The following PRIMPOL variants were observed in gnomAD, a reference collection of about 807,000 sequenced individuals.
The protein encoded by PRIMPOL is primase and DNA directed polymerase, also known as DNA-directed primase/polymerase protein.
In PRIMPOL, 54 loss-of-function variants were observed where a neutral mutation model predicts 63.6. That is an observed-to-expected ratio of 0.85 (90% CI 0.68 to 1.07). PRIMPOL has a LOEUF of 1.07. PRIMPOL is among the 50% of genes least tolerant of loss of function. PRIMPOL has a pLI of 0.00. For synonymous variants in PRIMPOL, 197 were observed against 220.2 expected, an observed-to-expected ratio of 0.89 and a Z score of 0.93; for missense variants, 610 against 648.3, an observed-to-expected ratio of 0.94 and a Z score of 0.64.
At chr4:184,650,491 A>AT (rs60407693) in intron 1 of PRIMPOL, among the ~76,000 whole-genome samples, 119,999 of 152,066 alleles carry the variant, frequency 0.79, 48,796 homozygotes, top group East Asian at 0.99. Flanking sequence ...GATGCGGACT[A>AT]TTTTTTTATT....
rs1309599524 is a variant in PRIMPOL at position 184,657,262 on chromosome 4, T to A, written c.122T>A (p.Ile41Asn). 1.2e-6 allele frequency: 2 copies of A among 1,613,910 alleles called. No individual in the cohort carries two copies. Among genetic ancestry groups the A allele is most frequent in the South Asian group, 2.2e-5 (2 of 91,032 alleles). The change falls in exon 3 of 14, where the codon ATC becomes AAC. Residue 41 changes from isoleucine to asparagine, a missense_variant. Coordinates refer to ENST00000314970, the MANE Select transcript of PRIMPOL (RefSeq NM_152683.4). ...RLSKPEEPPS[I>N]WRLFHRQAQA... ...TCCAAGCCAGAAGAACCACCCTCCATCTGGAGACTATTTCATCGACAAGCT... is the reference window on the plus strand; with the variant it reads ...TCCAAGCCAGAAGAACCACCCTCCAACTGGAGACTATTTCATCGACAAGCT...
intron 8 of PRIMPOL, among the ~76,000 whole-genome samples, chr4:184,682,029 TA>T (rs1008418164): frequency 3.3e-5 from 5 of 152,204 alleles, no homozygotes; most frequent in Non-Finnish European, 7.3e-5. Context: ...CCTACTCTTT[TA>T]AAAAAATTAT....
At chr4:184,692,488 A>AAG in intron 13 of PRIMPOL, among the ~76,000 whole-genome samples, 1 of 149,026 alleles carries the variant, frequency 6.7e-6, no homozygotes, top group East Asian at 1.9e-4. Flanking sequence ...AAAAAAAAAA[A>AAG]AAAAAGAAAG....
intron 7 of PRIMPOL, among the ~76,000 whole-genome samples, chr4:184,674,085 C>T (rs928378114): frequency 6.6e-6 from 1 of 152,180 alleles, no homozygotes; most frequent in African/African-American, 2.4e-5. Flanking sequence ...CAGTACCCGT[C>T]TCTACTTCTA....
chr4:184,681,140 G>T (rs891163702), intron 8 of PRIMPOL, among the ~76,000 whole-genome samples: 3 of 152,146 alleles, frequency 2.0e-5, no homozygotes, highest in African/African-American at 7.2e-5. Context: ...ATACCAGGTA[G>T]TTTACTTCTT....
chr4:184,682,829 C>G (rs1755993662), intron 9 of PRIMPOL, among the ~76,000 whole-genome samples: 1 of 150,330 alleles, frequency 6.7e-6, no homozygotes, highest in Non-Finnish European at 1.5e-5. Flanking sequence ...GCGGGAGGAT[C>G]ACTTGAGCCC....
chr4:184,694,790 A>G lies in PRIMPOL; in HGVS notation c.*11A>G. On this transcript the variant is annotated 3_prime_UTR_variant, in exon 14 of 14. Coordinates refer to ENST00000314970, the MANE Select transcript of PRIMPOL (RefSeq NM_152683.4). ...GTATTACAAGAGTAACTAATTCACT[A>G]TGAACACTTTTGTCACCAGGCTATA... The G allele has an allele frequency of 3.8e-6, 6 of 1,595,920 alleles. No individual in the cohort carries two copies. In the South Asian group the frequency reaches 5.5e-5, roughly 15 times the overall value.
At chr4:184,674,535 G>A (rs1752762655) in intron 7 of PRIMPOL, among the ~76,000 whole-genome samples, 1 of 152,096 alleles carries the variant, frequency 6.6e-6, no homozygotes, top group Non-Finnish European at 1.5e-5. Flanking sequence ...ATATACAGTT[G>A]ACTCTTCAAC....
chr4:184,672,251 C>T lies in PRIMPOL; in HGVS notation c.635C>T (p.Thr212Ile), dbSNP rs1751990409. Residue 212 changes from threonine (T) to isoleucine (I), a missense_variant, in exon 7 of 14, where the codon ACA becomes ATA. Physicochemically the swap from Thr to Ile is moderately conservative, Grantham distance 89. Around this residue, in one of 3 missense-constraint regions of PRIMPOL, gnomAD observed 444 missense variants for 456.4 expected, o/e 0.97. Transcript: ENST00000314970. ...GATGATGATAGCGCTCCAGAGACAA[C>T]AGGCCATGGATTTCCCCATTTTTCA... ...SEDDDSAPET[T>I]GHGFPHFSEA... 8.7e-6 allele frequency: 14 copies of T among 1,614,054 alleles called. No individual in the cohort carries two copies. The highest frequency in any genetic ancestry group is 1.2e-5 in the Non-Finnish European group (14 of 1,179,994).
In PRIMPOL at chr4:184,694,831, G is replaced by C; in HGVS notation, c.*52G>C. On this transcript the variant is annotated 3_prime_UTR_variant, in exon 14 of 14. Transcript: ENST00000314970. ...CCAGGCTATAATTTGCCTGATGTCTGTGAGATTTGATAAATATATCATTCA... is the reference window on the plus strand; with the variant it reads ...CCAGGCTATAATTTGCCTGATGTCTCTGAGATTTGATAAATATATCATTCA... 6.9e-7 allele frequency: 1 copy of C among 1,443,274 alleles called. No individual in the cohort carries two copies. Among genetic ancestry groups the C allele is most frequent in the Non-Finnish European group, 9.6e-7 (1 of 1,041,060 alleles). The allele number at this position is 1,443,274 out of a possible 1,614,324, so 89.4% of individuals were successfully genotyped here.
chr4:184,693,447 T>TAA (rs1412250219), intron 13 of PRIMPOL, among the ~76,000 whole-genome samples: 2 of 152,338 alleles, frequency 1.3e-5, no homozygotes, highest in East Asian at 3.9e-4. Flanking sequence ...TACTTGGACA[T>TAA]AACTTTTTAA....
At chr4:184,681,049 G>A (rs557117032) in intron 8 of PRIMPOL, among the ~76,000 whole-genome samples, 6 of 152,264 alleles carry the variant, frequency 3.9e-5, no homozygotes, top group East Asian at 1.9e-4. Context: ...CGTTTCTTTC[G>A]CAGTTTAAAT....
chr4:184,692,461 G>A (rs1445163709), intron 13 of PRIMPOL, among the ~76,000 whole-genome samples: 4 of 101,202 alleles, frequency 4.0e-5, no homozygotes, highest in Admixed American at 1.5e-4. Context: ...GAGACAGAGC[G>A]ACTCTGCCTC....
At chr4:184,684,339 C>G (rs947877771) in intron 9 of PRIMPOL, among the ~76,000 whole-genome samples, 1 of 152,002 alleles carries the variant, frequency 6.6e-6, no homozygotes, top group African/African-American at 2.4e-5. Flanking sequence ...GCCTGTAATC[C>G]CAGCTACTCA....
chr4:184,654,198 CAT>C (rs1245813573), intron 2 of PRIMPOL, among the ~76,000 whole-genome samples: 2 of 152,170 alleles, frequency 1.3e-5, no homozygotes, highest in African/African-American at 4.8e-5. Context: ...CGAATATCCA[CAT>C]AGTCATTTGT....
At chr4:184,684,522 A>G (rs72703526) in intron 9 of PRIMPOL, among the ~76,000 whole-genome samples, 4 of 151,944 alleles carry the variant, frequency 2.6e-5, no homozygotes, top group Admixed American at 6.6e-5. Flanking sequence ...AGCTTTTTAG[A>G]TAGAAAATAT....
rs1743640818 is a variant in PRIMPOL, at chr4:184,649,850, C to CA, written c.-195dup. 6.6e-6 allele frequency: 1 copy of CA among 152,310 alleles called. No homozygotes were observed. Among genetic ancestry groups the CA allele is most frequent in the African/African-American group, 2.4e-5 (1 of 41,470 alleles). The allele number at this position is 152,310 out of a possible 1,614,324, so 9.4% of individuals were successfully genotyped here. ...CGGGTACCTAGAAGGGAGACAAAGC[C>CA]AGGCCTGCTGCCCAGTTTGAGCTCT... On this transcript the variant is annotated 5_prime_UTR_variant, in exon 1 of 14. Transcript: ENST00000314970.
At position 184,672,206 on chromosome 4, in the gene PRIMPOL, T is replaced by G. The variant is rs768154834; in HGVS notation, c.590T>G (p.Leu197Arg). The change falls in exon 7 of 14, where the codon CTT becomes CGT. Residue 197 changes from leucine to arginine, a missense_variant. Leu to Arg is a moderately radical substitution (Grantham distance 102, BLOSUM62 -2). Coordinates refer to ENST00000314970, the MANE Select transcript of PRIMPOL (RefSeq NM_152683.4). ...TTGAGAAAAATTTTGCAGCCTGCTC[T>G]TGACTTGCTTGGCAGTGAAGATGAT... The part of the protein sequence containing the change: ...NFLRKILQPA[L>R]DLLGSEDDDS... The G allele has an allele frequency of 9.3e-6, 15 of 1,610,854 alleles. No individual in the cohort carries two copies. The highest frequency in any genetic ancestry group is 1.2e-5 in the Non-Finnish European group (14 of 1,179,276).
chr4:184,659,064 G>A lies in PRIMPOL; in HGVS notation c.181-276G>A, dbSNP rs181495827. On this transcript the variant is annotated intron_variant, in intron 3 of 13. Coordinates refer to ENST00000314970, the MANE Select transcript of PRIMPOL (RefSeq NM_152683.4). ...AAAACTATCATAGGAAGTCATACAA[G>A]TAATATTTTTAAGAGTGGTTTCTCT... 2.5e-4 allele frequency among the ~76,000 whole-genome samples: 38 copies of A among 152,208 alleles called. 1 individual carries two copies. Among genetic ancestry groups the A allele is most frequent in the Admixed American group, 1.8e-3 (27 of 15,292 alleles).
Sources: gnomAD v4.1 joint callset for allele counts (sites outside exome capture counted in the v4.1 genomes callset) on GRCh38, gnomAD v4.1.1 for gene constraint, gnomAD v4.1.1 regional missense constraint, MANE v1.5 for transcripts, NCBI Gene and HGNC (gene_info 2026-07-23, HGNC 2026-07-21) for gene names.